Variants in SASH1 observed in about 807,000 individuals in gnomAD.
SASH1 encodes SAM and SH3 domain-containing protein 1.
A neutral mutation model predicts 125.2 loss-of-function variants in SASH1; 44 were observed. The ratio of observed to expected loss-of-function variants is 0.35; its 90% CI spans 0.28 to 0.45. The LOEUF is 0.45. Ranked by LOEUF, SASH1 falls within the 20% of genes least tolerant of loss-of-function variation. SASH1 has a pLI of 1.00. For synonymous variants in SASH1, 639 were observed against 649.1 expected (o/e 0.98, Z 0.24); for missense variants, 1,426 against 1,614.5 (o/e 0.88, Z 2.00).
In SASH1 at chr6:148,532,225, T is replaced by C. The variant is rs1781561696; in HGVS notation, c.1564+564T>C. On this transcript the variant is annotated intron_variant, in intron 13 of 19. Transcript: ENST00000367467. This position sits in a 1 kb window ranked among gnomAD's most constrained non-coding sequence, Gnocchi z 4.7. ...TCCGCATAGCTGTACTACAGGGTCA[T>C]GCCACCACACCCGGCTAATTTTGTT... Among the ~76,000 whole-genome samples, 1 of 152,084 alleles carries C rather than the reference T, an allele frequency of 6.6e-6. No homozygotes were observed. The highest frequency in any genetic ancestry group is 1.5e-5 in the Non-Finnish European group (1 of 68,012).
chr6:148,416,311 C>A (rs1267626291), intron 2 of SASH1, among the ~76,000 whole-genome samples: 1 of 151,042 alleles, frequency 6.6e-6, no homozygotes, highest in Non-Finnish European at 1.5e-5. Context: ...TTCTTTTTTT[C>A]TTTTCTTTTT....
chr6:148,231,074 C>A, the SASH1 span, among the ~76,000 whole-genome samples: 1 of 152,102 alleles, frequency 6.6e-6, no homozygotes, highest in Non-Finnish European at 1.5e-5. Flanking sequence ...TGAAGGTTTA[C>A]TTCTATGTTT....
chr6:148,538,173 A>C (rs1781985202), intron 16 of SASH1, among the ~76,000 whole-genome samples: 1 of 152,024 alleles, frequency 6.6e-6, no homozygotes. Context: ...CCTTCTCCAA[A>C]ATAATTTCAG....
chr6:148,531,023 A>G (rs1333611647), intron 12 of SASH1, among the ~76,000 whole-genome samples: 4 of 152,226 alleles, frequency 2.6e-5, no homozygotes, highest in East Asian at 1.9e-4. Context: ...TCCTTATCCA[A>G]TGCCAATAAT....
intron 1 of SASH1, among the ~76,000 whole-genome samples, chr6:148,302,145 C>T (rs369306971): frequency 2.5e-4 from 38 of 149,096 alleles, no homozygotes; most frequent in African/African-American, 9.3e-4. Context: ...GAAACCCCGT[C>T]TCTACTAAAA....
rs1439145767 is a variant in SASH1, at chr6:148,343,154, G to C, written c.87G>C (p.Pro29=). The C allele has an allele frequency of 2.5e-6, 4 of 1,599,312 alleles. No individual in the cohort carries two copies. The African/African-American group carries it at 4.0e-5, about 16-fold the overall frequency. The change falls in exon 1 of 20, where the codon CCG becomes CCC. Residue 29 remains proline (P), a synonymous_variant. Transcript: ENST00000367467. ...PEPEPAPEPE[P]EPKPGAGTSE... is the part of the protein sequence containing the mutation. The stretch of plus-strand genomic sequence containing the variant: ...CCGAGCCCGCGCCGGAGCCGGAACC[G>C]GAGCCCAAGCCGGGTGCTGGCACAT...
In SASH1 at chr6:148,550,421, C is replaced by T. The variant is rs1281652923; in HGVS notation, c.*1863C>T. On this transcript the variant is annotated 3_prime_UTR_variant, in exon 20 of 20. Transcript: ENST00000367467. ...TTAGAAAGCCATCTTTAGCATATTG[C>T]TTATGTCTGGATCCATGTTTCTGAG... The T allele has an allele frequency of 5.3e-5, 8 of 152,098 alleles. No individual in the cohort carries two copies. Among genetic ancestry groups the T allele is most frequent in the Non-Finnish European group, 1.0e-4 (7 of 68,026 alleles). 9.4% of individuals were successfully genotyped at this position (152,098 alleles called of 1,614,324 possible). A position where few individuals can be genotyped will look rare whatever the true frequency, so the allele number is the denominator to read the frequency against.
intron 1 of SASH1, among the ~76,000 whole-genome samples, chr6:148,324,272 G>A (rs545390893): frequency 6.6e-6 from 1 of 152,186 alleles, no homozygotes; most frequent in Non-Finnish European, 1.5e-5. Flanking sequence ...CACATCTCTG[G>A]CCCAAACTGC....
chr6:148,255,776 G>A, the SASH1 span, among the ~76,000 whole-genome samples: 2 of 152,048 alleles, frequency 1.3e-5, no homozygotes, highest in East Asian at 1.9e-4. Flanking sequence ...CTGAGTAGCT[G>A]GGACTACAGG....
chr6:148,310,021 T>C (rs1462547062), intron 1 of SASH1, among the ~76,000 whole-genome samples: 1 of 152,134 alleles, frequency 6.6e-6, no homozygotes, highest in Non-Finnish European at 1.5e-5. Context: ...AGGAAGTACA[T>C]GGTAAAACTT....
intron 1 of SASH1, among the ~76,000 whole-genome samples, chr6:148,330,287 C>T (rs1209496111): frequency 1.3e-5 from 2 of 152,156 alleles, no homozygotes; most frequent in African/African-American, 4.8e-5. Flanking sequence ...GGATTAATTA[C>T]GTGAGTGAGA....
the SASH1 span, among the ~76,000 whole-genome samples, chr6:148,238,312 C>A: frequency 6.6e-6 from 1 of 152,068 alleles, no homozygotes; most frequent in African/African-American, 2.4e-5. Flanking sequence ...CAACCTCCGC[C>A]TCCCAGGTTC....
chr6:148,326,323 C>CATATATATAT (rs56276306), intron 1 of SASH1, among the ~76,000 whole-genome samples: 909 of 9,724 alleles, frequency 0.093, 143 homozygotes, highest in Non-Finnish European at 0.11. Flanking sequence ...CCACCGCATG[C>CATATATATAT]ATATATATAT....
intron 1 of SASH1, among the ~76,000 whole-genome samples, chr6:148,347,520 A>C (rs1781561001): frequency 6.6e-6 from 1 of 152,062 alleles, no homozygotes; most frequent in Admixed American, 6.6e-5. Flanking sequence ...AAACAAACAA[A>C]ATGTCTCCCT....
At chr6:148,296,903 G>A (rs1272714498) in intron 1 of SASH1, among the ~76,000 whole-genome samples, 1 of 152,216 alleles carries the variant, frequency 6.6e-6, no homozygotes. Context: ...GCAAAATATT[G>A]AAAGCACACA....
chr6:148,437,370 G>A (rs1471133076), intron 2 of SASH1, among the ~76,000 whole-genome samples: 6 of 152,126 alleles, frequency 3.9e-5, no homozygotes, highest in East Asian at 1.9e-4. Flanking sequence ...TTAAGAAGAC[G>A]TCCTGAAAAA....
intron 12 of SASH1, among the ~76,000 whole-genome samples, chr6:148,527,996 G>T (rs4994026): frequency 1.5e-5 from 2 of 129,060 alleles, no homozygotes; most frequent in African/African-American, 6.4e-5. Context: ...TTTGGGGGGG[G>T]GGGTGGCAGT....
intron 9 of SASH1, among the ~76,000 whole-genome samples, chr6:148,514,834 A>G (rs1225805701): frequency 6.6e-6 from 1 of 152,240 alleles, no homozygotes; most frequent in Non-Finnish European, 1.5e-5. Context: ...CAGTGAATTT[A>G]GTTCAAATTT....
Position 148,529,209 on chromosome 6 carries a change from C to T in SASH1, c.1428+1613C>T, listed in dbSNP as rs531131998. Among the ~76,000 whole-genome samples, 5 of 152,222 alleles carry T rather than the reference C, an allele frequency of 3.3e-5. No individual in the cohort carries two copies. Among genetic ancestry groups the T allele is most frequent in the South Asian group, 2.1e-4 (1 of 4,818 alleles). On this transcript the variant is annotated intron_variant, in intron 12 of 19. Coordinates refer to ENST00000367467, the MANE Select transcript of SASH1 (RefSeq NM_015278.5). The surrounding 1 kb of genome is among the most constrained non-coding windows in gnomAD (Gnocchi z 4.2). ...CACAGACGGGTTCTGGTCCGTGGCC[C>T]GGGAGTTGGAGAATGCTGATCTAGA...
Sources: allele counts gnomAD v4.1 joint callset (sites outside exome capture counted in the v4.1 genomes callset), GRCh38; gene constraint gnomAD v4.1.1; non-coding constraint Gnocchi (gnomAD v3.1); transcripts MANE v1.5; gene names NCBI Gene and HGNC (gene_info 2026-07-23, HGNC 2026-07-21).